The following ZNF608 variants were observed in gnomAD, a reference collection of about 807,000 sequenced individuals.
The protein encoded by ZNF608 is renal carcinoma antigen NY-REN-36.
Under a neutral mutation model 109.0 loss-of-function variants are expected in ZNF608, and 12 were observed. The ratio of observed to expected loss-of-function variants is 0.11; its 90% CI spans 0.07 to 0.18. The LOEUF (loss-of-function observed/expected upper bound fraction) is 0.18. ZNF608 is among the 10% of genes least tolerant of loss of function. ZNF608 has a pLI of 1.00. For missense variants in ZNF608, 1,707 were observed against 1,879.3 expected (o/e 0.91, Z 1.70); for synonymous variants, 732 against 717.4 (o/e 1.02, Z -0.33).
chr5:124,684,674 T>G (rs1425855348), intron 3 of ZNF608, among the ~76,000 whole-genome samples: 1 of 152,180 alleles, frequency 6.6e-6, no homozygotes, highest in Non-Finnish European at 1.5e-5. Flanking sequence ...TAGTGGGAAG[T>G]GAGAGTTCCC....
intron 3 of ZNF608, among the ~76,000 whole-genome samples, chr5:124,691,282 A>G (rs1043366951): frequency 6.6e-6 from 1 of 152,098 alleles, no homozygotes; most frequent in African/African-American, 2.4e-5. Context: ...AAAACAAAAA[A>G]AAAAGGTGAG....
In ZNF608 at chr5:124,744,275, C is replaced by G; in HGVS notation, c.715G>C (p.Gly239Arg). The G allele has an allele frequency of 6.2e-7, 1 of 1,613,680 alleles. No individual in the cohort carries two copies. Among genetic ancestry groups the G allele is most frequent in the Non-Finnish European group, 8.5e-7 (1 of 1,179,880 alleles). The change falls in exon 2 of 10, where the codon GGG (glycine) becomes CGG (arginine). Residue 239 changes from glycine to arginine, a missense_variant. Transcript: ENST00000513986. The surrounding 1 kb of genome is among the most constrained non-coding windows in gnomAD (Gnocchi z 4.5). ...APSGGHLYGF[G>R]AKSNGGGASP... ...GCGCCACCTCCATTGCTCTTGGCCC[C>G]AAAGCCATAGAGGTGCCCCCCGGAA... is the stretch of plus-strand genomic sequence containing the variant.
chr5:124,721,941 CAAAAAAAAAAAAAAAAAAAAAA>C (rs199699487), intron 2 of ZNF608, among the ~76,000 whole-genome samples: 2 of 20,800 alleles, frequency 9.6e-5, no homozygotes, highest in African/African-American at 4.0e-4. Flanking sequence ...GACTCTGTCT[CAAAAAAAAAAAAAAAAAAAAAA>C]AAAAAAAAAG....
Position 124,664,651 on chromosome 5 carries a change from G to A in ZNF608, c.1163-14954C>T, listed in dbSNP as rs528248892. On this transcript the variant is annotated intron_variant, in intron 3 of 9. Coordinates refer to ENST00000513986, the MANE Select transcript of ZNF608 (RefSeq NM_020747.3). ...AAGTAACTCTTGGAAAGCTTAACTG[G>A]CTGACTTGCCCCAGGTCAGAAAGTC... 7.9e-5 allele frequency among the ~76,000 whole-genome samples: 12 copies of A among 152,232 alleles called. No individual in the cohort carries two copies. The South Asian group carries it at 2.1e-3, about 26-fold the overall frequency.
intron 3 of ZNF608, among the ~76,000 whole-genome samples, chr5:124,650,336 G>C (rs1185860296): frequency 6.6e-6 from 1 of 152,054 alleles, no homozygotes; most frequent in Non-Finnish European, 1.5e-5. Flanking sequence ...TCAGTGTTTG[G>C]TTTTGTTTCA....
At chr5:124,696,010 C>A (rs1752835011) in intron 3 of ZNF608, among the ~76,000 whole-genome samples, 1 of 151,972 alleles carries the variant, frequency 6.6e-6, no homozygotes, top group East Asian at 1.9e-4. Flanking sequence ...ATGGAGAAAC[C>A]CCGTCTCTAC....
chr5:124,700,752 C>T (rs1420372642), intron 3 of ZNF608, among the ~76,000 whole-genome samples: 1 of 152,216 alleles, frequency 6.6e-6, no homozygotes, highest in Non-Finnish European at 1.5e-5. Flanking sequence ...TAAACCCTCA[C>T]CTGCTTCTCA....
Position 124,744,530 on chromosome 5 carries a change from C to A in ZNF608, c.460G>T (p.Gly154Cys). ...GEATGMNSALGQSVSSGGSGN... is the reference protein window; with the variant it reads ...GEATGMNSALCQSVSSGGSGN... ...CTGCCGCCGCTGCTCACACTTTGAC[C>A]CAGCGCTGAATTCATGCCAGTTGCC... The change falls in exon 2 of 10, where the codon GGT becomes TGT. Residue 154 changes from glycine (G) to cysteine (C), a missense_variant. Gly to Cys is a radical substitution (Grantham distance 159). Around this residue, in one of 7 missense-constraint regions of ZNF608, gnomAD observed 407 missense variants for 398.7 expected, o/e 1.02. Transcript: ENST00000513986. The surrounding 1 kb of genome is among the most constrained non-coding windows in gnomAD (Gnocchi z 4.5). 6.2e-7 allele frequency: 1 copy of A among 1,614,220 alleles called. No individual in the cohort carries two copies. Among genetic ancestry groups the A allele is most frequent in the Non-Finnish European group, 8.5e-7 (1 of 1,180,048 alleles).
intron 2 of ZNF608, among the ~76,000 whole-genome samples, chr5:124,709,984 AAGTTC>A (rs1168970562): frequency 6.6e-6 from 1 of 152,184 alleles, no homozygotes; most frequent in Non-Finnish European, 1.5e-5. Context: ...TTTAAAAAGA[AAGTTC>A]AGTGGTAAAT....
rs1436252513 is a variant in ZNF608, at chr5:124,701,216, G to A, written c.960C>T (p.Leu320=). The A allele has an allele frequency of 1.2e-6, 2 of 1,614,066 alleles. No individual in the cohort carries two copies. The highest frequency in any genetic ancestry group is 1.7e-5 in the Admixed American group (1 of 59,996). ...PAPPPPISSS[L]TPQILPSYFS... Reference sequence around the variant, plus strand: ...AGTAGGAGGGTAGAATCTGAGGCGTGAGACTGCTGGAAATCGGCGGTGGTG... The same window carrying A: ...AGTAGGAGGGTAGAATCTGAGGCGTAAGACTGCTGGAAATCGGCGGTGGTG... Residue 320 remains leucine (L), a synonymous_variant, in exon 3 of 10, where the codon CTC becomes CTT. Coordinates refer to ENST00000513986, the MANE Select transcript of ZNF608 (RefSeq NM_020747.3).
chr5:124,657,629 C>G (rs539908148), intron 3 of ZNF608, among the ~76,000 whole-genome samples: 2 of 152,196 alleles, frequency 1.3e-5, no homozygotes, highest in African/African-American at 4.8e-5. Context: ...GACCTGAGAT[C>G]GCACCACTGC....
At chr5:124,737,082 C>T (rs1324109370) in intron 2 of ZNF608, among the ~76,000 whole-genome samples, 1 of 152,134 alleles carries the variant, frequency 6.6e-6, no homozygotes, top group Non-Finnish European at 1.5e-5. Flanking sequence ...CCTTAAAAGT[C>T]CCTTTAAGTA....
chr5:124,662,546 A>AT (rs576600181), intron 3 of ZNF608, among the ~76,000 whole-genome samples: 4 of 152,196 alleles, frequency 2.6e-5, no homozygotes, highest in Non-Finnish European at 4.4e-5. Flanking sequence ...TGTTCGCATT[A>AT]TTCTCTTATT....
chr5:124,653,656 G>C (rs1175139114), intron 3 of ZNF608, among the ~76,000 whole-genome samples: 1 of 152,160 alleles, frequency 6.6e-6, no homozygotes, highest in African/African-American at 2.4e-5. Context: ...CCCCCACCTA[G>C]ACCAGTGATC....
chr5:124,700,066 G>A (rs550311185), intron 3 of ZNF608, among the ~76,000 whole-genome samples: 3 of 152,098 alleles, frequency 2.0e-5, no homozygotes, highest in East Asian at 1.9e-4. Context: ...ATCTTTGACC[G>A]ATCTAACTTA....
intron 2 of ZNF608, among the ~76,000 whole-genome samples, chr5:124,719,379 G>A (rs886670884): frequency 6.6e-6 from 1 of 152,212 alleles, no homozygotes; most frequent in Admixed American, 6.5e-5. Context: ...GCTCCCTAAT[G>A]TATGAACATA....
At chr5:124,675,679 A>AT (rs977924374) in intron 3 of ZNF608, among the ~76,000 whole-genome samples, 11 of 152,144 alleles carry the variant, frequency 7.2e-5, no homozygotes, top group South Asian at 2.1e-4. Context: ...TACGGCCATC[A>AT]TTTTTTTAGA....
chr5:124,642,960 G>C (rs1052137423), intron 7 of ZNF608, among the ~76,000 whole-genome samples: 3 of 152,006 alleles, frequency 2.0e-5, no homozygotes, highest in Non-Finnish European at 4.4e-5. Flanking sequence ...GCCTCCCAAA[G>C]TGCTGGGATT....
At chr5:124,741,083 C>T (rs1749374828) in intron 2 of ZNF608, among the ~76,000 whole-genome samples, 1 of 152,132 alleles carries the variant, frequency 6.6e-6, no homozygotes, top group African/African-American at 2.4e-5. Flanking sequence ...TCAGACATGT[C>T]ACTGGTGGCT....
Sources: gnomAD v4.1 joint callset for allele counts (sites outside exome capture counted in the v4.1 genomes callset) on GRCh38, gnomAD v4.1.1 for gene constraint, gnomAD v4.1.1 regional missense constraint, Gnocchi (gnomAD v3.1) non-coding constraint, MANE v1.5 for transcripts, NCBI Gene and HGNC (gene_info 2026-07-23, HGNC 2026-07-21) for gene names.